The following CIT variants were observed in gnomAD, a reference collection of about 807,000 sequenced individuals.
The protein encoded by CIT is citron Rho-interacting kinase.
CIT carries 79 observed loss-of-function variants against 272.7 expected under a neutral mutation model. The ratio of observed to expected loss-of-function variants is 0.29; its 90% CI spans 0.24 to 0.35. The LOEUF is 0.35. CIT is among the 10% of genes least tolerant of loss of function. The pLI is 1.00. For synonymous variants in CIT, 948 were observed against 995.6 expected, an observed-to-expected ratio of 0.95 and a Z score of 0.90; for missense variants, 1,909 against 2,618.3, an observed-to-expected ratio of 0.73 and a Z score of 5.91.
In CIT at chr12:119,782,273, A is replaced by C. The variant is rs564748690; in HGVS notation, c.1665+245T>G. On this transcript the variant is annotated intron_variant, in intron 13 of 47. Coordinates refer to ENST00000392521, the MANE Select transcript of CIT (RefSeq NM_001206999.2). ...ACTCTTGCTCTAAACCTACATCTTT[A>C]TTTTTAAAAGCAGACATTATGGGGT... The C allele has an allele frequency of 1.1e-4, 35 of 320,982 alleles. 2 individuals carry two copies. In the South Asian group the frequency reaches 2.4e-3, roughly 22 times the overall value. The allele number at this position is 320,982 out of a possible 1,614,324, so 19.9% of individuals were successfully genotyped here.
Position 119,857,660 on chromosome 12 carries a change from A to G in CIT, c.277T>C (p.Ser93Pro), listed in dbSNP as rs902281263. Residue 93 changes from serine to proline, a missense_variant, in exon 4 of 48, where the codon TCG (serine) becomes CCG (proline). Transcript: ENST00000392521. ...TIAELQELQP[S>P]AKDFEVRSLV... is the part of the protein sequence containing the mutation. ...CTTCTGACTTCGAAGTCCTTTGCCGAAGGCTGGAGCTCCTGTAACTCAGCT... is the reference window on the plus strand; with the variant it reads ...CTTCTGACTTCGAAGTCCTTTGCCGGAGGCTGGAGCTCCTGTAACTCAGCT... The G allele has an allele frequency of 3.1e-6, 5 of 1,614,194 alleles. No homozygotes were observed. Among genetic ancestry groups the G allele is most frequent in the Non-Finnish European group, 4.2e-6 (5 of 1,180,028 alleles).
chr12:119,704,426 G>A lies in CIT; in HGVS notation c.5241C>T (p.Ala1747=). The A allele has an allele frequency of 1.2e-6, 2 of 1,613,994 alleles. No homozygotes were observed. Among genetic ancestry groups the A allele is most frequent in the Non-Finnish European group, 8.5e-7 (1 of 1,179,872 alleles). Residue 1747 remains alanine (A), a synonymous_variant, in exon 41 of 48, where the codon GCC becomes GCT. Transcript: ENST00000392521. ...GGAGAATGACGACTTTGCTGGGCATGGCTGCACAGATGCAGAGCCCGTTCT... is the reference window on the plus strand; with the variant it reads ...GGAGAATGACGACTTTGCTGGGCATAGCTGCACAGATGCAGAGCCCGTTCT... ...KIENGLCICA[A]MPSKVVILRY... is the part of the protein sequence containing the mutation.
At chr12:119,803,418 G>A (rs368428334) in intron 9 of CIT, 29 bp from the exon 10 acceptor site, 55 of 1,496,268 alleles carry the variant, frequency 3.7e-5, no homozygotes, top group Non-Finnish European at 4.3e-5. Flanking sequence ...GAAAGGAGGC[G>A]GGGAGGAAAA....
At chr12:119,717,256 T>C (rs1957540742) in intron 32 of CIT, among the ~76,000 whole-genome samples, 3 of 152,074 alleles carry the variant, frequency 2.0e-5, no homozygotes, top group Non-Finnish European at 4.4e-5. Flanking sequence ...TTCTCCATGT[T>C]GGTCAGGCTA....
In CIT at chr12:119,785,044, G is replaced by C; in HGVS notation, c.1317C>G (p.Asp439Glu). The C allele has an allele frequency of 6.2e-7, 1 of 1,614,196 alleles. No homozygotes were observed. The highest frequency in any genetic ancestry group is 2.2e-5 in the East Asian group (1 of 44,884). The stretch of plus-strand genomic sequence containing the variant: ...CCATGGAGCTAGTCTTGGCAGGGGA[G>C]TCCAGACCCGACACAACAGACCTAG... ...GRSESVVSGL[D>E]SPAKTSSMEK... The change falls in exon 11 of 48, where the codon GAC (aspartate) becomes GAG (glutamate). Residue 439 changes from aspartate (D) to glutamate (E), a missense_variant. Asp to Glu is a conservative substitution (Grantham distance 45). This residue lies in a region of CIT where 529 missense variants were observed against 549.6 expected (regional missense o/e 0.96). Transcript: ENST00000392521.
chr12:119,708,587 G>C (rs1956995872), intron 39 of CIT, among the ~76,000 whole-genome samples: 1 of 152,068 alleles, frequency 6.6e-6, no homozygotes, highest in African/African-American at 2.4e-5. Context: ...CTGGGTTCAA[G>C]CAATTCTCCT....
At chr12:119,848,106 A>T (rs192972942) in intron 5 of CIT, among the ~76,000 whole-genome samples, 322 of 152,242 alleles carry the variant, frequency 2.1e-3, no homozygotes, top group African/African-American at 7.3e-3. Flanking sequence ...GGCAATATGT[A>T]AGGAAAGGGT....
chr12:119,784,496 G>A lies in CIT; in HGVS notation c.1402-445C>T, dbSNP rs2137710312. On this transcript the variant is annotated intron_variant, in intron 11 of 47. Coordinates refer to ENST00000392521, the MANE Select transcript of CIT (RefSeq NM_001206999.2). The surrounding 1 kb of genome is among the most constrained non-coding windows in gnomAD (Gnocchi z 4.7). ...CACTCTTAGGAGTCCCAGGCAAGCAGTGACTTATTAGTTTCCAGAGCGTTG... is the reference window on the plus strand; with the variant it reads ...CACTCTTAGGAGTCCCAGGCAAGCAATGACTTATTAGTTTCCAGAGCGTTG... The A allele has an allele frequency of 8.4e-7, 1 of 1,189,556 alleles. No individual in the cohort carries two copies. Among genetic ancestry groups the A allele is most frequent in the Non-Finnish European group, 1.1e-6 (1 of 946,298 alleles). The allele number at this position is 1,189,556 out of a possible 1,614,324, so 73.7% of individuals were successfully genotyped here.
At chr12:119,832,981 C>A (rs1229755671) in intron 6 of CIT, 117 bp from the exon 7 acceptor site, 3 of 637,860 alleles carry the variant, frequency 4.7e-6, no homozygotes, top group Admixed American at 2.7e-5. Flanking sequence ...ATATAGACCT[C>A]CTCTATTGGT....
At chr12:119,857,395 C>T (rs1010648121) in intron 4 of CIT, 128 bp downstream of exon 4, 3 of 929,670 alleles carry the variant, frequency 3.2e-6, no homozygotes, top group African/African-American at 3.3e-5. Context: ...TTTGCCCCAA[C>T]TATAATTAAA....
chr12:119,844,822 C>T (rs1045968616), intron 5 of CIT, among the ~76,000 whole-genome samples: 10 of 152,026 alleles, frequency 6.6e-5, no homozygotes, highest in Admixed American at 3.9e-4. Flanking sequence ...AAAACAGCTG[C>T]ATTAAGAACC....
intron 23 of CIT, among the ~76,000 whole-genome samples, chr12:119,746,956 A>G (rs2137367347): frequency 6.6e-6 from 1 of 152,356 alleles, no homozygotes; most frequent in African/African-American, 2.4e-5. Context: ...GAATATATAC[A>G]TAAAGACAGC....
chr12:119,756,124 G>A (rs1960944080), intron 22 of CIT, among the ~76,000 whole-genome samples: 1 of 152,186 alleles, frequency 6.6e-6, no homozygotes, highest in African/African-American at 2.4e-5. Flanking sequence ...GAGGCAGCTT[G>A]CAAAACTAGT....
intron 5 of CIT, among the ~76,000 whole-genome samples, chr12:119,839,398 G>A (rs931340592): frequency 3.3e-5 from 5 of 152,146 alleles, no homozygotes; most frequent in African/African-American, 9.7e-5. Flanking sequence ...ATGTTTGCAC[G>A]CTCAGCACAA....
intron 46 of CIT, among the ~76,000 whole-genome samples, chr12:119,692,356 A>C (rs1278747824): frequency 6.6e-6 from 1 of 152,236 alleles, no homozygotes; most frequent in Non-Finnish European, 1.5e-5. Flanking sequence ...TGATATTTAA[A>C]TCCTTCTCAT....
Position 119,804,155 on chromosome 12 carries a change from G to A in CIT, c.1112-766C>T. On this transcript the variant is annotated intron_variant, in intron 9 of 47. Coordinates refer to ENST00000392521, the MANE Select transcript of CIT (RefSeq NM_001206999.2). The surrounding 1 kb of genome is among the most constrained non-coding windows in gnomAD (Gnocchi z 5.3). ...GGGAATGCACGGATGGACATATGCG[G>A]CTCCTACCTCCTCAGGGCTTCACTC... is the stretch of plus-strand genomic sequence containing the variant. 3.0e-6 allele frequency: 3 copies of A among 985,430 alleles called. No individual in the cohort carries two copies. The highest frequency in any genetic ancestry group is 3.6e-6 in the Non-Finnish European group (3 of 829,958). 61.0% of individuals were successfully genotyped at this position (985,430 alleles called of 1,614,324 possible).
intron 47 of CIT, among the ~76,000 whole-genome samples, chr12:119,689,666 CTTTTT>C (rs531946559): frequency 5.3e-5 from 4 of 75,076 alleles, no homozygotes; most frequent in African/African-American, 9.4e-5. Flanking sequence ...TTAGGAAGCT[CTTTTT>C]TTTTTTTTTT....
chr12:119,764,261 T>G (rs1296781845), intron 19 of CIT, among the ~76,000 whole-genome samples: 1 of 152,134 alleles, frequency 6.6e-6, no homozygotes, highest in Non-Finnish European at 1.5e-5. Context: ...CTTCAAATAC[T>G]TCACATAGTG....
At chr12:119,826,920 G>A (rs145898445) in intron 7 of CIT, among the ~76,000 whole-genome samples, 22 of 152,316 alleles carry the variant, frequency 1.4e-4, no homozygotes, top group Middle Eastern at 3.4e-3. Flanking sequence ...CCCCGGGGCT[G>A]ATTCTGGATG....
Sources: gnomAD v4.1 joint callset for allele counts (sites outside exome capture counted in the v4.1 genomes callset) on GRCh38, gnomAD v4.1.1 for gene constraint, gnomAD v4.1.1 regional missense constraint, Gnocchi (gnomAD v3.1) non-coding constraint, MANE v1.5 for transcripts, NCBI Gene and HGNC (gene_info 2026-07-23, HGNC 2026-07-21) for gene names.